The following PCNT variants were observed in gnomAD, a reference collection of about 807,000 sequenced individuals.
PCNT encodes the protein pericentrin.
A neutral mutation model predicts 380.4 loss-of-function variants in PCNT; 319 were observed. The observed-to-expected ratio is 0.84, with a 90% CI of 0.77 to 0.92. The LOEUF is 0.92. PCNT is among the 40% of genes least tolerant of loss of function. The pLI is 0.00. For missense variants in PCNT, 4,400 were observed against 4,255.3 expected, an observed-to-expected ratio of 1.03 and a Z score of -0.95; for synonymous variants, 1,845 against 1,735.2, an observed-to-expected ratio of 1.06 and a Z score of -1.57.
intron 33 of PCNT, 112 bp from the exon 34 acceptor site, chr21:46,427,510 C>T (rs1683374700): frequency 1.6e-6 from 2 of 1,224,228 alleles, no homozygotes; most frequent in Non-Finnish European, 2.4e-6. Flanking sequence ...CTCATTTACC[C>T]TGAATCACCT....
At chr21:46,335,947 G>A (rs539341370) in intron 3 of PCNT, among the ~76,000 whole-genome samples, 1 of 151,978 alleles carries the variant, frequency 6.6e-6, no homozygotes, top group South Asian at 2.1e-4. Context: ...TGAAGTGTTG[G>A]GATTACAGGC....
At chr21:46,422,235 G>A in intron 32 of PCNT, 111 bp downstream of exon 32, 1 of 1,367,454 alleles carries the variant, frequency 7.3e-7, no homozygotes, top group Non-Finnish European at 1.0e-6. Flanking sequence ...AGCTTTTCCT[G>A]GGTGCCTCTG....
At chr21:46,437,112 C>T in intron 40 of PCNT, 31 bp downstream of exon 40, 1 of 1,497,192 alleles carries the variant, frequency 6.7e-7, no homozygotes, top group Non-Finnish European at 9.3e-7. Flanking sequence ...GGTCCCTGGC[C>T]TGGCTCCTCC....
chr21:46,437,699 T>G (rs1055409030), intron 40 of PCNT, among the ~76,000 whole-genome samples: 1 of 152,164 alleles, frequency 6.6e-6, no homozygotes, highest in Non-Finnish European at 1.5e-5. Flanking sequence ...GCATGTGAGG[T>G]GCAGGGGAGC....
intron 9 of PCNT, among the ~76,000 whole-genome samples, chr21:46,352,241 T>G (rs941602403): frequency 6.6e-6 from 1 of 152,200 alleles, no homozygotes; most frequent in Non-Finnish European, 1.5e-5. Context: ...CAAAGAGCAC[T>G]TAGGAGAAAG....
At chr21:46,364,984 T>G (rs1298175691) in intron 14 of PCNT, among the ~76,000 whole-genome samples, 2 of 152,248 alleles carry the variant, frequency 1.3e-5, no homozygotes, top group African/African-American at 4.8e-5. Flanking sequence ...CTTGGCATTT[T>G]GCAGGACCCT....
chr21:46,325,900 C>T (rs1047308897), intron 1 of PCNT, among the ~76,000 whole-genome samples: 3 of 152,168 alleles, frequency 2.0e-5, no homozygotes, highest in East Asian at 3.9e-4. Context: ...TGAGATTGAC[C>T]TGGCTTAATT....
chr21:46,435,911 T>A lies in PCNT; in HGVS notation c.8759T>A (p.Leu2920Ter). ...TTTTTCTGTTAACAACAGCGAGAAT[T>A]AGAACTGCAGCGTCAGCGTGACTTG... ...WQRDKEKLRE[L>*]ELQRQRDLHK... The change falls in exon 39 of 47, where the codon TTA (leucine) becomes TAA (stop). Residue 2920 changes from leucine to a stop codon, truncating the protein, a stop_gained. Coordinates refer to ENST00000359568, the MANE Select transcript of PCNT (RefSeq NM_006031.6). LOFTEE classifies it high-confidence loss of function. 1 of 1,614,154 alleles carries A rather than the reference T, an allele frequency of 6.2e-7. No individual in the cohort carries two copies. The highest frequency in any genetic ancestry group is 8.5e-7 in the Non-Finnish European group (1 of 1,180,018).
In PCNT at chr21:46,388,983, G is replaced by C; in HGVS notation, c.3607+99G>C. 2.0e-6 allele frequency: 3 copies of C among 1,488,582 alleles called. No individual in the cohort carries two copies. Among genetic ancestry groups the C allele is most frequent in the Non-Finnish European group, 2.7e-6 (3 of 1,103,954 alleles). 92.2% of individuals were successfully genotyped at this position (1,488,582 alleles called of 1,614,324 possible). A position where few individuals can be genotyped will look rare whatever the true frequency, so the allele number is the denominator to read the frequency against. On this transcript the variant is annotated intron_variant, in intron 18 of 46. Transcript: ENST00000359568. This position sits in a 1 kb window ranked among gnomAD's most constrained non-coding sequence, Gnocchi z 4.2. The stretch of plus-strand genomic sequence containing the variant: ...GCCTCCGTATTGGGCGATGCCCTTG[G>C]GAGCACTGCCGTCCTGGTTTCCTGC...
rs763369808 is a variant in PCNT at position 46,437,005 on chromosome 21, A to G, written c.9023A>G (p.Asn3008Ser). 16 of 1,614,070 alleles carry G rather than the reference A, an allele frequency of 9.9e-6. No individual in the cohort carries two copies. Among genetic ancestry groups the G allele is most frequent in the East Asian group, 8.9e-5 (4 of 44,878 alleles). The part of the protein sequence containing the change: ...DRTVNDWTSS[N>S]EKAVMSLLHT... ...ACAGTTAATGATTGGACGTCATCCA[A>G]TGAGAAAGCAGTGATGTCTTTACTG... Residue 3008 changes from asparagine (N) to serine (S), a missense_variant, in exon 40 of 47, where the codon AAT (asparagine) becomes AGT (serine). Coordinates refer to ENST00000359568, the MANE Select transcript of PCNT (RefSeq NM_006031.6).
chr21:46,436,264 C>A, intron 39 of PCNT, 116 bp downstream of exon 39: 5 of 1,159,000 alleles, frequency 4.3e-6, no homozygotes, highest in Non-Finnish European at 6.2e-6. Flanking sequence ...TTGCACTTAA[C>A]GCTCTAGTCC....
rs1036600846 is a variant in PCNT, at chr21:46,342,239, T to C, written c.640-3889T>C. ...CTCCTGCCTCAGCCTCCTAAGTAGCTGGGATTACAGGCGTGCACAACTGCG... is the reference window on the plus strand; with the variant it reads ...CTCCTGCCTCAGCCTCCTAAGTAGCCGGGATTACAGGCGTGCACAACTGCG... On this transcript the variant is annotated intron_variant, in intron 3 of 46. Transcript: ENST00000359568. Among the ~76,000 whole-genome samples, 5 of 152,146 alleles carry C rather than the reference T, an allele frequency of 3.3e-5. No homozygotes were observed. In the East Asian group the frequency reaches 9.6e-4, roughly 29 times the overall value.
Position 46,351,417 on chromosome 21 carries a change from T to C in PCNT, c.1345-12T>C, listed in dbSNP as rs190844693. The C allele has an allele frequency of 2.0e-6, 3 of 1,498,388 alleles. No homozygotes were observed. The highest frequency in any genetic ancestry group is 4.5e-5 in the East Asian group (2 of 44,296). 92.8% of individuals were successfully genotyped at this position (1,498,388 alleles called of 1,614,324 possible). A position where few individuals can be genotyped will look rare whatever the true frequency, so the allele number is the denominator to read the frequency against. On this transcript the variant is annotated splice_polypyrimidine_tract_variant and intron_variant, in intron 8 of 46. Transcript: ENST00000359568. Reference sequence around the variant, plus strand: ...TCATTAGGGTTTCACCTGGACACTTTGCTTTTTCCAGTTAGAGAATCTTCA... The same window carrying C: ...TCATTAGGGTTTCACCTGGACACTTCGCTTTTTCCAGTTAGAGAATCTTCA...
intron 27 of PCNT, among the ~76,000 whole-genome samples, chr21:46,410,458 A>AT: frequency 6.6e-6 from 1 of 152,194 alleles, no homozygotes; most frequent in Non-Finnish European, 1.5e-5. Context: ...GAATTTTTCT[A>AT]TTTTTTGTCA....
intron 2 of PCNT, among the ~76,000 whole-genome samples, chr21:46,327,791 TGAAGAG>T (rs561205165): frequency 7.7e-4 from 118 of 152,340 alleles, no homozygotes; most frequent in African/African-American, 2.6e-3. Context: ...AAACGTGAGA[TGAAGAG>T]GGAAGGGGTG....
In PCNT at chr21:46,432,037, G is replaced by A. The variant is rs200504582; in HGVS notation, c.8573G>A (p.Arg2858Lys). Residue 2858 changes from arginine to lysine, a missense_variant, in exon 38 of 47, where the codon AGA becomes AAA. Transcript: ENST00000359568. ...EALHTQKREL[R>K]CSLEREREKP... The stretch of plus-strand genomic sequence containing the variant: ...CTGCACACCCAAAAACGAGAGCTGA[G>A]ATGCTCTCTGGAGAGAGAGAGGGAG... 32 of 1,613,864 alleles carry A rather than the reference G, an allele frequency of 2.0e-5. No individual in the cohort carries two copies. Among genetic ancestry groups the A allele is most frequent in the Non-Finnish European group, 3.4e-6 (4 of 1,180,040 alleles).
chr21:46,379,342 C>G (rs1013117278), intron 15 of PCNT, among the ~76,000 whole-genome samples: 2 of 152,178 alleles, frequency 1.3e-5, no homozygotes, highest in African/African-American at 4.8e-5. Flanking sequence ...GGCTACGTGT[C>G]TTGAGCGGCA....
chr21:46,427,929 T>A, intron 34 of PCNT, 134 bp downstream of exon 34: 1 of 969,288 alleles, frequency 1.0e-6, no homozygotes. Flanking sequence ...TGGCTGTCAC[T>A]TACCCAGGTG....
intron 39 of PCNT, among the ~76,000 whole-genome samples, chr21:46,436,391 C>A (rs1443866564): frequency 7.0e-6 from 1 of 143,016 alleles, no homozygotes; most frequent in Non-Finnish European, 1.5e-5. Context: ...TTCCATGTTC[C>A]TTTGAGGGTT....
Sources: gnomAD v4.1 joint callset for allele counts (sites outside exome capture counted in the v4.1 genomes callset) on GRCh38, gnomAD v4.1.1 for gene constraint, Gnocchi (gnomAD v3.1) non-coding constraint, MANE v1.5 for transcripts, NCBI Gene and HGNC (gene_info 2026-07-23, HGNC 2026-07-21) for gene names.